Variants in FSIP1 observed in about 807,000 individuals in gnomAD.
FSIP1 encodes fibrous sheath-interacting protein 1.
A neutral mutation model predicts 60.9 loss-of-function variants in FSIP1; 65 were observed. That is an observed-to-expected ratio of 1.07 (90% confidence interval 0.87 to 1.31). FSIP1 has a LOEUF of 1.31. Ranked by LOEUF, FSIP1 falls within the 40% of genes most tolerant of loss-of-function variation. The pLI, the probability that FSIP1 is intolerant of heterozygous loss-of-function variation, is 0.00. For missense variants in FSIP1, 675 were observed against 665.5 expected (o/e 1.01, Z -0.16); for synonymous variants, 209 against 221.2 (o/e 0.94, Z 0.49).
chr15:39,733,843 G>T lies in FSIP1; in HGVS notation c.891+4248C>A, dbSNP rs554845254. The stretch of plus-strand genomic sequence containing the variant: ...AAAATCCGCATAGGAATGTAGAACA[G>T]GAGGACAGAAAGACATGAGCTGCTC... On this transcript the variant is annotated intron_variant, in intron 8 of 11. Transcript: ENST00000350221. Among the ~76,000 whole-genome samples the T allele has an allele frequency of 1.4e-4, 22 of 152,252 alleles. No homozygotes were observed. In the South Asian group the frequency reaches 2.3e-3, roughly 16 times the overall value.
At chr15:39,623,923 A>G (rs2140390835) in intron 10 of FSIP1, among the ~76,000 whole-genome samples, 1 of 152,302 alleles carries the variant, frequency 6.6e-6, no homozygotes, top group South Asian at 2.1e-4. Context: ...TCACAACCTC[A>G]GCTTGCCTAT....
At position 39,782,754 on chromosome 15, in the gene FSIP1, C is replaced by G. The variant is rs1474405015; in HGVS notation, c.-134G>C. The stretch of plus-strand genomic sequence containing the variant: ...AGAGGAGAGGGGTCTCTCCCGCCAC[C>G]TCAGCCTCTCTGGTAGTGGAAGAAG... On this transcript the variant is annotated 5_prime_UTR_variant, in exon 1 of 12. Transcript: ENST00000350221. 1.3e-5 allele frequency: 2 copies of G among 152,452 alleles called. No homozygotes were observed. Among genetic ancestry groups the G allele is most frequent in the African/African-American group, 4.8e-5 (2 of 41,472 alleles). The allele number at this position is 152,452 out of a possible 1,614,324, so 9.4% of individuals were successfully genotyped here. A position where few individuals can be genotyped will look rare whatever the true frequency, so the allele number is the denominator to read the frequency against.
chr15:39,704,369 T>A lies in FSIP1; in HGVS notation c.1188+9075A>T, dbSNP rs529614585. Among the ~76,000 whole-genome samples the A allele has an allele frequency of 6.7e-4, 102 of 152,248 alleles. 1 individual carries two copies. Among genetic ancestry groups the A allele is most frequent in the Non-Finnish European group, 1.4e-3 (94 of 68,042 alleles). On this transcript the variant is annotated intron_variant, in intron 10 of 11. Transcript: ENST00000350221. The stretch of plus-strand genomic sequence containing the variant: ...CAAAGCACACTAGTTGGTCTTCCTA[T>A]TTAACCACAAACATGTCAGGTCTGT...
chr15:39,743,829 C>G (rs942948542), intron 5 of FSIP1, among the ~76,000 whole-genome samples: 9 of 152,164 alleles, frequency 5.9e-5, no homozygotes, highest in Admixed American at 6.5e-5. Context: ...CTGCCAAAAA[C>G]TCATAACCTG....
In FSIP1 at chr15:39,633,336, C is replaced by A. The variant is rs116262925; in HGVS notation, c.1189-15091G>T. 4.5e-3 allele frequency among the ~76,000 whole-genome samples: 680 copies of A among 152,214 alleles called. 10 individuals carry two copies. The highest frequency in any genetic ancestry group is 0.016 in the African/African-American group (656 of 41,524). ...ATCTCCTCACCTCGCAATCTGCCTG[C>A]CTCTGCCTCCCAAAGTGCTGGGATT... is the stretch of plus-strand genomic sequence containing the variant. On this transcript the variant is annotated intron_variant, in intron 10 of 11. Coordinates refer to ENST00000350221, the MANE Select transcript of FSIP1 (RefSeq NM_152597.5).
chr15:39,769,430 T>C (rs984207693), intron 3 of FSIP1, among the ~76,000 whole-genome samples: 5 of 152,216 alleles, frequency 3.3e-5, no homozygotes, highest in Non-Finnish European at 7.3e-5. Context: ...AAGTAACATG[T>C]TTATTTTCTT....
chr15:39,725,910 G>C (rs976159539), intron 9 of FSIP1, among the ~76,000 whole-genome samples: 1 of 151,594 alleles, frequency 6.6e-6, no homozygotes, highest in Non-Finnish European at 1.5e-5. Flanking sequence ...TCAGCCTCTC[G>C]AGTAGCTGGG....
chr15:39,723,364 G>T (rs1896061538), intron 9 of FSIP1, among the ~76,000 whole-genome samples: 1 of 152,218 alleles, frequency 6.6e-6, no homozygotes, highest in Non-Finnish European at 1.5e-5. Flanking sequence ...GAGTAGCTGG[G>T]ACTACAGGCG....
At chr15:39,702,674 T>C (rs1776514181) in intron 10 of FSIP1, among the ~76,000 whole-genome samples, 1 of 150,958 alleles carries the variant, frequency 6.6e-6, no homozygotes, top group Admixed American at 6.6e-5. Context: ...CTCAATGCTA[T>C]ACTGTTTAAA....
chr15:39,614,866 A>T (rs970312624), intron 11 of FSIP1, among the ~76,000 whole-genome samples: 1 of 152,204 alleles, frequency 6.6e-6, no homozygotes, highest in African/African-American at 2.4e-5. Context: ...AAGAAGCTGG[A>T]GGTATCACAC....
At chr15:39,618,531 T>C (rs1891327189) in intron 10 of FSIP1, among the ~76,000 whole-genome samples, 1 of 152,138 alleles carries the variant, frequency 6.6e-6, no homozygotes, top group Non-Finnish European at 1.5e-5. Flanking sequence ...AGACTACCCC[T>C]ACCTCTGGGG....
chr15:39,661,951 G>T (rs1424056001), intron 10 of FSIP1, among the ~76,000 whole-genome samples: 1 of 152,114 alleles, frequency 6.6e-6, no homozygotes, highest in African/African-American at 2.4e-5. Flanking sequence ...CATTGTAAAG[G>T]TTATATTCTT....
chr15:39,736,432 C>T (rs576917946), intron 8 of FSIP1, among the ~76,000 whole-genome samples: 3 of 152,266 alleles, frequency 2.0e-5, no homozygotes, highest in Admixed American at 6.5e-5. Context: ...ATTTTGTTTG[C>T]CCACACAGAA....
At chr15:39,700,836 A>G (rs1363966778) in intron 10 of FSIP1, among the ~76,000 whole-genome samples, 2 of 152,212 alleles carry the variant, frequency 1.3e-5, no homozygotes, top group Non-Finnish European at 2.9e-5. Flanking sequence ...TCTTTGTGCC[A>G]TTCCAGGTGA....
In FSIP1 at chr15:39,615,708, C is replaced by T. The variant is rs1237718458; in HGVS notation, c.1699+2027G>A. On this transcript the variant is annotated intron_variant, in intron 11 of 11. Transcript: ENST00000350221. The stretch of plus-strand genomic sequence containing the variant: ...GACCATCCTGGCTAACACAGTGAAA[C>T]TCCATCTCTACTAAAAATACAAAAA... Among the ~76,000 whole-genome samples, 4 of 135,260 alleles carry T rather than the reference C, an allele frequency of 3.0e-5. No individual in the cohort carries two copies. The Admixed American group carries it at 3.1e-4, about 10-fold the overall frequency. The allele number at this position is 135,260 out of a possible 152,430, so 88.7% of individuals were successfully genotyped here. A position where few individuals can be genotyped will look rare whatever the true frequency, so the allele number is the denominator to read the frequency against.
chr15:39,732,655 T>TA (rs1049604016), intron 8 of FSIP1, among the ~76,000 whole-genome samples: 5 of 149,036 alleles, frequency 3.4e-5, no homozygotes, highest in South Asian at 2.1e-4. Context: ...TGCATGCTAC[T>TA]AAAAAAAACA....
At chr15:39,776,000 T>C (rs1221283366) in intron 2 of FSIP1, among the ~76,000 whole-genome samples, 1 of 151,142 alleles carries the variant, frequency 6.6e-6, no homozygotes, top group African/African-American at 2.4e-5. Flanking sequence ...AAGTCAGTGG[T>C]GGTATATTAG....
At chr15:39,722,525 CTG>C (rs1397310791) in intron 9 of FSIP1, among the ~76,000 whole-genome samples, 1 of 152,102 alleles carries the variant, frequency 6.6e-6, no homozygotes, top group Admixed American at 6.6e-5. Flanking sequence ...TGGTTTTCTT[CTG>C]TGTCTCTGAT....
At chr15:39,657,867 G>C (rs987053064) in intron 10 of FSIP1, among the ~76,000 whole-genome samples, 32 of 152,108 alleles carry the variant, frequency 2.1e-4, no homozygotes. Context: ...CTAAAGACTG[G>C]GATGACTGTA....
Sources: allele counts gnomAD v4.1 joint callset (sites outside exome capture counted in the v4.1 genomes callset), GRCh38; gene constraint gnomAD v4.1.1; transcripts MANE v1.5; gene names NCBI Gene and HGNC (gene_info 2026-07-23, HGNC 2026-07-21).